The following ING5 variants were observed in gnomAD, a reference collection of about 807,000 sequenced individuals.
The protein encoded by ING5 is inhibitor of growth protein 5.
A neutral mutation model predicts 37.4 loss-of-function variants in ING5; 17 were observed. The ratio of observed to expected loss-of-function variants is 0.45; its 90% confidence interval spans 0.31 to 0.68. The LOEUF (loss-of-function observed/expected upper bound fraction) is 0.68, where lower values mean the gene tolerates loss of function less well. Ranked by LOEUF, ING5 falls within the 30% of genes least tolerant of loss-of-function variation. The pLI, the probability that ING5 is intolerant of heterozygous loss-of-function variation, is 0.05. For synonymous variants in ING5, 123 were observed against 116.6 expected, an observed-to-expected ratio of 1.06 and a Z score of -0.36; for missense variants, 233 against 311.9, an observed-to-expected ratio of 0.75 and a Z score of 1.91.
exon 2 of ING5, chr2:241,690,371 A>G (rs373593044): frequency 7.9e-6 from 3 of 378,344 alleles, no homozygotes; most frequent in African/African-American, 2.1e-5. Context: ...CTGACATTAC[A>G]TGAAGTCCAG....
intron 5 of ING5, chr2:241,721,249 C>T (rs974151139): frequency 5.4e-5 from 53 of 985,346 alleles, no homozygotes; most frequent in Admixed American, 1.2e-4. Flanking sequence ...TAGACCCTTG[C>T]GTGCTGCTGT....
chr2:241,724,947 G>T lies in ING5; in HGVS notation c.681-42G>T, dbSNP rs142081672. 9 of 1,609,750 alleles carry T rather than the reference G, an allele frequency of 5.6e-6. No homozygotes were observed. The South Asian group carries it at 9.9e-5, about 18-fold the overall frequency. The stretch of plus-strand genomic sequence containing the variant: ...GGCCCTGGGCACCCTGCGCGCTGGC[G>T]GAAATGGCGCCCAGGGCCTCACTGC... On this transcript the variant is annotated intron_variant, in intron 7 of 7. Transcript: ENST00000313552.
chr2:241,700,162 T>TTTG (rs2069692546), upstream of ING5, among the ~76,000 whole-genome samples: 1 of 147,028 alleles, frequency 6.8e-6, no homozygotes, highest in East Asian at 2.0e-4. Context: ...TTTTTTTTTT[T>TTTG]TTTTTTTTTT....
At chr2:241,724,313 C>T (rs957909891) in intron 7 of ING5, among the ~76,000 whole-genome samples, 6 of 152,094 alleles carry the variant, frequency 3.9e-5, no homozygotes, top group African/African-American at 9.7e-5. Flanking sequence ...ACTGTGGTGC[C>T]CCACGCCGTG....
chr2:241,717,711 CT>C (rs1284668619), intron 5 of ING5, among the ~76,000 whole-genome samples: 1 of 134,036 alleles, frequency 7.5e-6, no homozygotes, highest in Non-Finnish European at 1.6e-5. Flanking sequence ...TTTTTTTTTG[CT>C]TTTAAGATTT....
Position 241,722,926 on chromosome 2 carries a change from C to G in ING5, c.483-13C>G, listed in dbSNP as rs372595806. On this transcript the variant is annotated splice_polypyrimidine_tract_variant and intron_variant, in intron 5 of 7. Transcript: ENST00000313552. ...CATGGCCTTCAGTGGTGCCTGTGCC[C>G]TGTCCCCTGCAGGTCTGAGTTCACT... 6.2e-6 allele frequency: 10 copies of G among 1,613,470 alleles called. No homozygotes were observed. Among genetic ancestry groups the G allele is most frequent in the Non-Finnish European group, 8.5e-6 (10 of 1,180,040 alleles).
intron 1 of ING5, among the ~76,000 whole-genome samples, chr2:241,702,394 A>G (rs1198417260): frequency 4.1e-5 from 6 of 146,504 alleles, no homozygotes; most frequent in Admixed American, 6.7e-5. Flanking sequence ...CCCCGCCCAC[A>G]TATTAGGTCC....
At chr2:241,720,787 C>T (rs2070411541) in intron 5 of ING5, 1 of 985,614 alleles carries the variant, frequency 1.0e-6, no homozygotes, top group Non-Finnish European at 1.2e-6. Flanking sequence ...TGGGGTCACC[C>T]TGGCCTGTGC....
At chr2:241,689,119 ATT>A (rs34312835) in intron 1 of ING5, among the ~76,000 whole-genome samples, 2 of 146,498 alleles carry the variant, frequency 1.4e-5, no homozygotes, top group Admixed American at 6.8e-5. Flanking sequence ...TTTTAATTTA[ATT>A]TTTTTTTTGA....
At position 241,725,494 on chromosome 2, in the gene ING5, G is replaced by A. The variant is rs998196287; in HGVS notation, c.*463G>A. 6.5e-6 allele frequency: 1 copy of A among 152,832 alleles called. No homozygotes were observed. The highest frequency in any genetic ancestry group is 2.4e-5 in the African/African-American group (1 of 41,424). The allele number at this position is 152,832 out of a possible 1,614,324, so 9.5% of individuals were successfully genotyped here. A position where few individuals can be genotyped will look rare whatever the true frequency, so the allele number is the denominator to read the frequency against. ...CGCGTGGGGCCACTGCCGTGGCGGCGGCTGCCCTCCTCACACTCGGCTCCG... is the reference window on the plus strand; with the variant it reads ...CGCGTGGGGCCACTGCCGTGGCGGCAGCTGCCCTCCTCACACTCGGCTCCG... On this transcript the variant is annotated 3_prime_UTR_variant, in exon 8 of 8. Transcript: ENST00000313552.
chr2:241,692,283 T>C (rs563738537), intron 2 of ING5, among the ~76,000 whole-genome samples: 1 of 152,148 alleles, frequency 6.6e-6, no homozygotes, highest in Admixed American at 6.6e-5. Flanking sequence ...AACCTTAACT[T>C]TTCCCTTTGA....
intron 3 of ING5, 41 bp from the exon 4 acceptor site, chr2:241,711,336 T>C (rs752185729): frequency 2.9e-6 from 4 of 1,379,376 alleles, no homozygotes; most frequent in African/African-American, 1.5e-5. Flanking sequence ...TGAGGTGTTT[T>C]GGTTTTACTT....
chr2:241,718,383 CCCTTCCTTCCTT>C (rs1165649857), intron 5 of ING5, among the ~76,000 whole-genome samples: 2 of 135,234 alleles, frequency 1.5e-5, no homozygotes, highest in Non-Finnish European at 3.2e-5. Context: ...CTCCCTCCCT[CCCTTCCTTCCTT>C]CCTTCCTTCT....
At chr2:241,711,713 C>T (rs2070116386) in intron 4 of ING5, 2 of 570,362 alleles carry the variant, frequency 3.5e-6, no homozygotes, top group South Asian at 2.2e-5. Context: ...CCAACCTGGG[C>T]AACATAGCGA....
chr2:241,696,184 G>A (rs549517037), intron 2 of ING5, among the ~76,000 whole-genome samples: 2 of 152,246 alleles, frequency 1.3e-5, no homozygotes, highest in East Asian at 3.9e-4. Context: ...GAGGTGAGGA[G>A]TTCGAGACCA....
At chr2:241,691,605 T>C (rs1199290179) in intron 2 of ING5, among the ~76,000 whole-genome samples, 1 of 152,172 alleles carries the variant, frequency 6.6e-6, no homozygotes, top group African/African-American at 2.4e-5. Context: ...ACTGAAGCAA[T>C]AGGCATTTAT....
At chr2:241,724,112 T>G (rs1266940530) in intron 7 of ING5, 1 of 1,253,166 alleles carries the variant, frequency 8.0e-7, no homozygotes, top group East Asian at 3.9e-5. Flanking sequence ...TGTGCTCTTC[T>G]GTGTGGCACT....
intron 5 of ING5, chr2:241,720,149 G>A (rs1157357560): frequency 5.7e-6 from 7 of 1,237,120 alleles, no homozygotes; most frequent in Non-Finnish European, 5.0e-6. Context: ...CCCAAAGCCT[G>A]GCCTGCCGGG....
At chr2:241,700,260 C>G (rs886654401), upstream of ING5, among the ~76,000 whole-genome samples, 1 of 150,740 alleles carries the variant, frequency 6.6e-6, no homozygotes, top group Non-Finnish European at 1.5e-5. Context: ...GGGTTCACGC[C>G]ATTCTCCTGC....
Sources: gnomAD v4.1 joint callset for allele counts (sites outside exome capture counted in the v4.1 genomes callset) on GRCh38, gnomAD v4.1.1 for gene constraint, MANE v1.5 for transcripts, NCBI Gene and HGNC (gene_info 2026-07-23, HGNC 2026-07-21) for gene names.